Variants in PCDH15 observed in about 807,000 individuals in gnomAD.
PCDH15 encodes the protein protocadherin-15.
In PCDH15, 129 loss-of-function variants were observed where a neutral mutation model predicts 178.5. The observed-to-expected ratio is 0.72, with a 90% confidence interval of 0.63 to 0.84. The LOEUF (loss-of-function observed/expected upper bound fraction) is 0.84, where lower values mean the gene tolerates loss of function less well. Among genes scored for constraint, PCDH15 ranks in the 40% least tolerant of loss-of-function variants. PCDH15 has a pLI of 0.00. For synonymous variants in PCDH15, 800 were observed against 732.0 expected, an observed-to-expected ratio of 1.09 and a Z score of -1.50; for missense variants, 2,230 against 2,099.9, an observed-to-expected ratio of 1.06 and a Z score of -1.21.
At position 54,414,999 on chromosome 10, in the gene PCDH15, C is replaced by T. The variant is rs562626104; in HGVS notation, c.158-36057G>A. Among the ~76,000 whole-genome samples the T allele has an allele frequency of 1.4e-4, 22 of 151,898 alleles. No homozygotes were observed. In the South Asian group the frequency reaches 4.0e-3, roughly 27 times the overall value. On this transcript the variant is annotated intron_variant, in intron 3 of 37. Transcript: ENST00000644397. ...ATTTGCATCAATTGATGTGGTAAAACGTGAAATGTGATATCAAGTTACATA... is the reference window on the plus strand; with the variant it reads ...ATTTGCATCAATTGATGTGGTAAAATGTGAAATGTGATATCAAGTTACATA...
chr10:54,812,349 C>A (rs931934516), intron 3 of PCDH15, among the ~76,000 whole-genome samples: 2 of 150,488 alleles, frequency 1.3e-5, no homozygotes, highest in African/African-American at 4.9e-5. Flanking sequence ...CGGCTCATTG[C>A]AACCTCTGCC....
intron 2 of PCDH15, among the ~76,000 whole-genome samples, chr10:54,934,110 G>A (rs1837846946): frequency 6.6e-6 from 1 of 152,128 alleles, no homozygotes; most frequent in Non-Finnish European, 1.5e-5. Context: ...GTAAGGAATT[G>A]TGACGTTAGT....
rs1437331608 is a variant in PCDH15, at chr10:53,941,050, TGAGA to T, written c.3123-79_3123-76del. 5 of 1,049,824 alleles carry T rather than the reference TGAGA, an allele frequency of 4.8e-6. No individual in the cohort carries two copies. The African/African-American group carries it at 6.4e-5, about 13-fold the overall frequency. The allele number at this position is 1,049,824 out of a possible 1,614,324, so 65.0% of individuals were successfully genotyped here. ...TGTAACTTTACGTTCACAGAAAAAT[TGAGA>T]GAAAGATAAGAGATTTCTGATATAC... On this transcript the variant is annotated intron_variant, in intron 23 of 37. Transcript: ENST00000644397.
chr10:53,918,795 G>A (rs1374520813), intron 25 of PCDH15, among the ~76,000 whole-genome samples: 1 of 151,384 alleles, frequency 6.6e-6, no homozygotes, highest in African/African-American at 2.4e-5. Flanking sequence ...TATTGCTTCT[G>A]TAATAGATTA....
chr10:54,840,196 C>T (rs1378249813), intron 3 of PCDH15, among the ~76,000 whole-genome samples: 2 of 151,914 alleles, frequency 1.3e-5, no homozygotes, highest in South Asian at 2.1e-4. Flanking sequence ...ATCAGTTTTA[C>T]CTCTAGTTGA....
intron 8 of PCDH15, among the ~76,000 whole-genome samples, chr10:54,274,680 G>GT (rs569449014): frequency 7.0e-4 from 102 of 144,998 alleles, no homozygotes; most frequent in Non-Finnish European, 1.2e-3. Context: ...TAAGCACACT[G>GT]TTAATAACCC....
intron 23 of PCDH15, among the ~76,000 whole-genome samples, chr10:53,943,918 A>G (rs958819823): frequency 1.2e-4 from 19 of 152,090 alleles, no homozygotes; most frequent in African/African-American, 4.3e-4. Context: ...TAAAAATAAT[A>G]TTATTTTATT....
At chr10:55,106,797 A>G (rs1399537928) in intron 2 of PCDH15, among the ~76,000 whole-genome samples, 1 of 152,218 alleles carries the variant, frequency 6.6e-6, no homozygotes, top group Non-Finnish European at 1.5e-5. Context: ...TCCTATTATT[A>G]AATCTATTTC....
chr10:54,848,668 A>G (rs75666168), intron 3 of PCDH15, among the ~76,000 whole-genome samples: 9,612 of 152,260 alleles, frequency 0.063, 382 homozygotes, highest in South Asian at 0.12. Flanking sequence ...GCTATATGCA[A>G]TAGAAAACAG....
Position 54,938,858 on chromosome 10 carries a change from C to A in PCDH15, c.-79-41358G>T, listed in dbSNP as rs1203135500. Among the ~76,000 whole-genome samples, 3 of 152,130 alleles carry A rather than the reference C, an allele frequency of 2.0e-5. No individual in the cohort carries two copies. In the East Asian group the frequency reaches 5.8e-4, roughly 29 times the overall value. On this transcript the variant is annotated intron_variant, in intron 2 of 5. Transcript: ENST00000458638. Reference sequence around the variant, plus strand: ...ATTCTGGAAGAAAGATATAGAAAAACGTAAAGTTTCTGGCTTTGAAAATGG... The same window carrying A: ...ATTCTGGAAGAAAGATATAGAAAAAAGTAAAGTTTCTGGCTTTGAAAATGG...
intron 1 of PCDH15, among the ~76,000 whole-genome samples, chr10:54,688,571 T>C (rs999989902): frequency 1.3e-5 from 2 of 152,156 alleles, no homozygotes. Flanking sequence ...ATAGGATTAA[T>C]ATTGAAAATA....
At chr10:54,202,027 A>G (rs1414689913) in intron 10 of PCDH15, among the ~76,000 whole-genome samples, 2 of 152,180 alleles carry the variant, frequency 1.3e-5, no homozygotes, top group Non-Finnish European at 2.9e-5. Context: ...ATTTACATGT[A>G]ATATTTATGC....
intron 1 of PCDH15, among the ~76,000 whole-genome samples, chr10:55,286,814 T>C (rs948448653): frequency 3.9e-5 from 6 of 152,008 alleles, no homozygotes; most frequent in Non-Finnish European, 8.8e-5. Flanking sequence ...ATATTCCTCT[T>C]TGCATCCTTG....
chr10:53,973,598 T>C (rs745500939), intron 21 of PCDH15, among the ~76,000 whole-genome samples: 6 of 152,172 alleles, frequency 3.9e-5, no homozygotes, highest in Non-Finnish European at 8.8e-5. Flanking sequence ...TACTGACCAG[T>C]AAATTACTTT....
At chr10:55,051,654 A>G (rs983658782) in intron 2 of PCDH15, among the ~76,000 whole-genome samples, 3 of 152,210 alleles carry the variant, frequency 2.0e-5, no homozygotes, top group Non-Finnish European at 4.4e-5. Flanking sequence ...AGATGTTTAT[A>G]GCATACAGAA....
In PCDH15 at chr10:54,526,046, C is replaced by T. The variant is rs145873922; in HGVS notation, c.157+1766G>A. ...TACAAAATATGCCAAGTAAGGAGCACAACATTAGTATACTATATCATGTCA... is the reference window on the plus strand; with the variant it reads ...TACAAAATATGCCAAGTAAGGAGCATAACATTAGTATACTATATCATGTCA... On this transcript the variant is annotated intron_variant, in intron 3 of 37. Coordinates refer to ENST00000644397, the MANE Select transcript of PCDH15 (RefSeq NM_001384140.1). 1.9e-4 allele frequency among the ~76,000 whole-genome samples: 29 copies of T among 152,258 alleles called. 1 individual carries two copies. Among genetic ancestry groups the T allele is most frequent in the Middle Eastern group, 3.4e-3 (1 of 294 alleles).
chr10:54,479,037 T>C (rs1317322377), intron 3 of PCDH15, among the ~76,000 whole-genome samples: 1 of 150,890 alleles, frequency 6.6e-6, no homozygotes, highest in Admixed American at 6.6e-5. Flanking sequence ...AGAAGGAAGA[T>C]TGTGCCAGCA....
intron 25 of PCDH15, among the ~76,000 whole-genome samples, chr10:53,938,395 C>G (rs1321473874): frequency 6.6e-6 from 1 of 151,912 alleles, no homozygotes; most frequent in Admixed American, 6.6e-5. Flanking sequence ...AAATGTTAGT[C>G]GCTAATTTTA....
intron 33 of PCDH15, among the ~76,000 whole-genome samples, chr10:53,819,937 A>G (rs890449663): frequency 4.6e-5 from 7 of 152,048 alleles, no homozygotes; most frequent in African/African-American, 1.7e-4. Context: ...AATAATAACA[A>G]AACTTTCAGA....
Sources: gnomAD v4.1 joint callset for allele counts (sites outside exome capture counted in the v4.1 genomes callset) on GRCh38, gnomAD v4.1.1 for gene constraint, MANE v1.5 for transcripts, NCBI Gene and HGNC (gene_info 2026-07-23, HGNC 2026-07-21) for gene names.